The following RYR2 variants were observed in gnomAD, a reference collection of about 807,000 sequenced individuals.
RYR2 encodes ryanodine receptor 2.
Under a neutral mutation model 601.1 loss-of-function variants are expected in RYR2, and 227 were observed. The ratio of observed to expected loss-of-function variants is 0.38; its 90% CI spans 0.34 to 0.42. RYR2 has a LOEUF of 0.42. Among genes scored for constraint, RYR2 ranks in the 10% least tolerant of loss-of-function variants. The pLI is 1.00. For synonymous variants in RYR2, 2,223 were observed against 2,175.1 expected, an observed-to-expected ratio of 1.02 and a Z score of -0.61; for missense variants, 4,646 against 6,156.5, an observed-to-expected ratio of 0.75 and a Z score of 8.21.
chr1:237,481,395 C>T lies in RYR2; in HGVS notation c.1709-10411C>T, dbSNP rs895595067. On this transcript the variant is annotated intron_variant, in intron 17 of 104. Transcript: ENST00000366574. ...TTAAACAAACAAAAACATTTTTCTC[C>T]GGCTCAGTGGTGATTCAGTTTGTGA... Among the ~76,000 whole-genome samples, 10 of 152,068 alleles carry T rather than the reference C, an allele frequency of 6.6e-5. No individual in the cohort carries two copies. In the South Asian group the frequency reaches 8.3e-4, roughly 13 times the overall value.
intron 24 of RYR2, among the ~76,000 whole-genome samples, chr1:237,524,354 G>T (rs564456963): frequency 1.9e-3 from 290 of 152,254 alleles, no homozygotes; most frequent in Non-Finnish European, 3.1e-3. Context: ...CCCAAAACAG[G>T]CATATTGATA....
intron 1 of RYR2, among the ~76,000 whole-genome samples, chr1:237,136,639 GT>G (rs1672808033): frequency 6.6e-6 from 1 of 152,134 alleles, no homozygotes; most frequent in Admixed American, 6.5e-5. Context: ...GAGGGAGAAG[GT>G]TTTCCTGTTC....
At chr1:237,595,885 A>G (rs924542119) in intron 34 of RYR2, among the ~76,000 whole-genome samples, 16 of 152,074 alleles carry the variant, frequency 1.1e-4, no homozygotes, top group African/African-American at 3.9e-4. Context: ...AAGCTGCACA[A>G]TCACCACCAC....
intron 85 of RYR2, 28 bp from the exon 86 acceptor site, chr1:237,771,984 A>C: frequency 7.8e-7 from 1 of 1,287,714 alleles, no homozygotes; most frequent in Non-Finnish European, 1.1e-6. Context: ...CTGAGCAAGC[A>C]TTAATAACAT....
intron 67 of RYR2, among the ~76,000 whole-genome samples, chr1:237,706,378 G>T (rs1688380364): frequency 6.6e-6 from 1 of 152,162 alleles, no homozygotes; most frequent in African/African-American, 2.4e-5. Context: ...AAGGGAATTT[G>T]GTCCTGGGTA....
chr1:237,448,644 G>T (rs909037201), intron 14 of RYR2, among the ~76,000 whole-genome samples: 1 of 151,816 alleles, frequency 6.6e-6, no homozygotes, highest in Non-Finnish European at 1.5e-5. Flanking sequence ...ACCTTTTCTT[G>T]GTGCATTTTG....
intron 1 of RYR2, among the ~76,000 whole-genome samples, chr1:237,267,021 C>T (rs139997261): frequency 1.8e-3 from 273 of 152,330 alleles, no homozygotes; most frequent in African/African-American, 6.2e-3. Flanking sequence ...GTGAGTTGGT[C>T]TCATACATTG....
intron 2 of RYR2, among the ~76,000 whole-genome samples, chr1:237,294,170 G>A (rs183268842): frequency 1.9e-4 from 29 of 152,238 alleles, no homozygotes; most frequent in Non-Finnish European, 3.2e-4. Flanking sequence ...AACTTCTGTC[G>A]AGAAGGATAT....
chr1:237,075,520 C>T (rs1339002797), intron 1 of RYR2, among the ~76,000 whole-genome samples: 1 of 113,342 alleles, frequency 8.8e-6, no homozygotes, highest in Non-Finnish European at 1.8e-5. Flanking sequence ...GTGACGGACG[C>T]ACCTGGAAAA....
rs779944369 is a variant in RYR2 at position 237,614,253 on chromosome 1, A to G, written c.5125A>G (p.Ile1709Val). Residue 1709 changes from isoleucine to valine, a missense_variant, in exon 37 of 105, where the codon ATC becomes GTC. Ile to Val is a conservative substitution (Grantham distance 29, BLOSUM62 3). This residue lies in a region of RYR2 where 1,807 missense variants were observed against 2,088.1 expected (regional missense o/e 0.87). Transcript: ENST00000366574. This position sits in a 1 kb window ranked among gnomAD's most constrained non-coding sequence, Gnocchi z 4.3. ...RAGYYDLLID[I>V]HLSSYATARL... is the part of the protein sequence containing the mutation. ...TGGCTACTATGACCTGCTGATTGAC[A>G]TCCACCTGAGCTCCTATGCCACTGC... The G allele has an allele frequency of 1.9e-6, 3 of 1,614,004 alleles. No homozygotes were observed. Among genetic ancestry groups the G allele is most frequent in the Non-Finnish European group, 1.7e-6 (2 of 1,179,892 alleles).
chr1:237,711,269 A>T (rs1688816182), intron 70 of RYR2, among the ~76,000 whole-genome samples: 1 of 152,210 alleles, frequency 6.6e-6, no homozygotes, highest in African/African-American at 2.4e-5. Context: ...CCAAATATTT[A>T]AAGATAAATT....
chr1:237,441,214 G>A lies in RYR2; in HGVS notation c.1006-105G>A, dbSNP rs546562214. ...GCCATTATTTCAGGGGACTTCAGAG[G>A]GCTGAATTTTTCAAGGAACATATTT... is the stretch of plus-strand genomic sequence containing the variant. On this transcript the variant is annotated intron_variant, in intron 12 of 104. Transcript: ENST00000366574. The A allele has an allele frequency of 3.6e-5, 43 of 1,199,116 alleles. 1 individual carries two copies. The East Asian group carries it at 9.6e-4, about 27-fold the overall frequency. 74.3% of individuals were successfully genotyped at this position (1,199,116 alleles called of 1,614,324 possible). A position where few individuals can be genotyped will look rare whatever the true frequency, so the allele number is the denominator to read the frequency against.
At chr1:237,777,309 A>T (rs1198579412) in intron 87 of RYR2, among the ~76,000 whole-genome samples, 1 of 152,172 alleles carries the variant, frequency 6.6e-6, no homozygotes, top group Non-Finnish European at 1.5e-5. Context: ...TCTCATAGTC[A>T]TCTGAGAATA....
chr1:237,173,627 C>A (rs1270076508), intron 1 of RYR2, among the ~76,000 whole-genome samples: 1 of 152,176 alleles, frequency 6.6e-6, no homozygotes, highest in East Asian at 1.9e-4. Flanking sequence ...TCTTTCTCTG[C>A]ATGTTAAGTT....
At chr1:237,763,289 G>C (rs1693575610) in intron 84 of RYR2, among the ~76,000 whole-genome samples, 1 of 152,166 alleles carries the variant, frequency 6.6e-6, no homozygotes, top group Non-Finnish European at 1.5e-5. Context: ...TCTCCCTGTG[G>C]CGTTTCTGTC....
rs568932001 is a variant in RYR2 at position 237,733,896 on chromosome 1, G to A, written c.11091+140G>A. ...ATGAATCTCCGTTCTAAATTCCATG[G>A]CAGGTCATCATTGTTTCCTACTTAA... On this transcript the variant is annotated intron_variant, in intron 79 of 104. Transcript: ENST00000366574. 3.6e-4 allele frequency: 243 copies of A among 673,650 alleles called. 3 individuals are homozygous for A. The South Asian group carries it at 4.1e-3, about 11-fold the overall frequency. The allele number at this position is 673,650 out of a possible 1,614,324, so 41.7% of individuals were successfully genotyped here. A position where few individuals can be genotyped will look rare whatever the true frequency, so the allele number is the denominator to read the frequency against.
At chr1:237,806,059 C>T in intron 98 of RYR2, 78 bp from the exon 99 acceptor site, 1 of 1,261,372 alleles carries the variant, frequency 7.9e-7, no homozygotes, top group Non-Finnish European at 1.1e-6. Context: ...CTGTTCCTGG[C>T]TTATTTTGCT....
chr1:237,771,382 G>A (rs893329924), intron 85 of RYR2, among the ~76,000 whole-genome samples: 1 of 150,566 alleles, frequency 6.6e-6, no homozygotes, highest in African/African-American at 2.5e-5. Flanking sequence ...CTGCACTGGA[G>A]CTTAGGCAAC....
At chr1:237,154,727 C>T (rs1258547064) in intron 1 of RYR2, among the ~76,000 whole-genome samples, 1 of 152,134 alleles carries the variant, frequency 6.6e-6, no homozygotes, top group Non-Finnish European at 1.5e-5. Context: ...CCTAGAGGGA[C>T]ATTTTATAGA....
Sources: gnomAD v4.1 joint callset for allele counts (sites outside exome capture counted in the v4.1 genomes callset) on GRCh38, gnomAD v4.1.1 for gene constraint, gnomAD v4.1.1 regional missense constraint, Gnocchi (gnomAD v3.1) non-coding constraint, MANE v1.5 for transcripts, NCBI Gene and HGNC (gene_info 2026-07-23, HGNC 2026-07-21) for gene names.